The following CCSER1 variants were observed in gnomAD, a reference collection of about 807,000 sequenced individuals.
CCSER1 encodes the protein coiled-coil serine rich protein 1.
In CCSER1, 41 loss-of-function variants were observed where a neutral mutation model predicts 82.0. The observed-to-expected ratio is 0.50, with a 90% CI of 0.39 to 0.65. The LOEUF (loss-of-function observed/expected upper bound fraction) is 0.65. Ranked by LOEUF, CCSER1 falls within the 30% of genes least tolerant of loss-of-function variation. CCSER1 has a pLI of 0.00. For synonymous variants in CCSER1, 414 were observed against 383.9 expected (o/e 1.08, Z -0.92); for missense variants, 1,119 against 1,064.2 (o/e 1.05, Z -0.72).
chr4:91,224,032 G>A (rs940699525), intron 10 of CCSER1, among the ~76,000 whole-genome samples: 4 of 149,286 alleles, frequency 2.7e-5, no homozygotes, highest in Non-Finnish European at 5.9e-5. Flanking sequence ...TTAAATTCAG[G>A]CACTTCAGAA....
chr4:90,324,021 A>G (rs1737662464), intron 3 of CCSER1, among the ~76,000 whole-genome samples: 1 of 152,194 alleles, frequency 6.6e-6, no homozygotes, highest in Non-Finnish European at 1.5e-5. Context: ...ATGGCTGCAT[A>G]GTATTCCATG....
At chr4:90,683,984 T>G (rs1734352596) in intron 6 of CCSER1, among the ~76,000 whole-genome samples, 1 of 152,170 alleles carries the variant, frequency 6.6e-6, no homozygotes, top group Non-Finnish European at 1.5e-5. Context: ...AAAAGATGCC[T>G]TCCCATGGCT....
chr4:90,668,434 G>C (rs965983680), intron 6 of CCSER1, among the ~76,000 whole-genome samples: 3 of 152,130 alleles, frequency 2.0e-5, no homozygotes, highest in Non-Finnish European at 2.9e-5. Context: ...TTGCCATTTA[G>C]TTCAAATTAC....
chr4:90,967,396 C>A (rs1734673684), intron 9 of CCSER1, among the ~76,000 whole-genome samples: 1 of 151,842 alleles, frequency 6.6e-6, no homozygotes. Flanking sequence ...TTGCAGTGAG[C>A]TGAGATCACA....
chr4:90,305,887 T>C (rs1331686566), intron 1 of CCSER1, among the ~76,000 whole-genome samples: 2 of 152,236 alleles, frequency 1.3e-5, no homozygotes, highest in Non-Finnish European at 2.9e-5. Context: ...CCTATGCTTA[T>C]TGCATCATTA....
In CCSER1 at chr4:91,077,956, G is replaced by A. The variant is rs189203401; in HGVS notation, c.2173-7994G>A. Among the ~76,000 whole-genome samples the A allele has an allele frequency of 6.9e-3, 1,052 of 152,322 alleles. 7 individuals carry two copies. The highest frequency in any genetic ancestry group is 0.024 in the African/African-American group (985 of 41,570). On this transcript the variant is annotated intron_variant, in intron 9 of 10. Transcript: ENST00000509176. ...AAAGCAGCCAGGGAAGCTCGAACTG[G>A]GTGGAGCCCACCACAGCTCAAGGAG...
intron 4 of CCSER1, among the ~76,000 whole-genome samples, chr4:90,429,556 G>GTTTGTGATA (rs1553909444): frequency 6.6e-6 from 1 of 151,778 alleles, no homozygotes; most frequent in Non-Finnish European, 1.5e-5. Context: ...TAGGAAAAGA[G>GTTTGTGATA]TTTGTGATAG....
chr4:91,294,573 T>C (rs993786940), intron 10 of CCSER1, among the ~76,000 whole-genome samples: 1 of 151,826 alleles, frequency 6.6e-6, no homozygotes, highest in African/African-American at 2.4e-5. Flanking sequence ...TTGTTCCTTC[T>C]GGAGGTTTGA....
intron 9 of CCSER1, among the ~76,000 whole-genome samples, chr4:91,075,670 T>C (rs1292153176): frequency 6.6e-6 from 1 of 152,208 alleles, no homozygotes; most frequent in East Asian, 1.9e-4. Flanking sequence ...ATATGTGTTT[T>C]AGTGGAAATG....
chr4:90,420,335 T>C (rs1381762806), intron 4 of CCSER1, among the ~76,000 whole-genome samples: 1 of 152,014 alleles, frequency 6.6e-6, no homozygotes, highest in African/African-American at 2.4e-5. Flanking sequence ...GACAGAATAA[T>C]GTTCTAACTG....
intron 9 of CCSER1, among the ~76,000 whole-genome samples, chr4:90,941,341 A>AT (rs1409373045): frequency 6.6e-6 from 1 of 152,058 alleles, no homozygotes. Flanking sequence ...GTTTTAAATG[A>AT]TTTTTTAATG....
chr4:90,193,714 C>G (rs569809740), intron 1 of CCSER1, among the ~76,000 whole-genome samples: 219 of 151,888 alleles, frequency 1.4e-3, no homozygotes, highest in Middle Eastern at 0.014. Context: ...GCTTAGAACA[C>G]TTTTAACTGC....
At chr4:91,228,314 A>G (rs1022788377) in intron 10 of CCSER1, among the ~76,000 whole-genome samples, 2 of 152,108 alleles carry the variant, frequency 1.3e-5, no homozygotes, top group African/African-American at 4.8e-5. Flanking sequence ...AGAAGCAGAC[A>G]CCTGTTTCTT....
intron 10 of CCSER1, among the ~76,000 whole-genome samples, chr4:91,474,167 C>T (rs1175420431): frequency 1.3e-5 from 2 of 151,890 alleles, no homozygotes; most frequent in Non-Finnish European, 2.9e-5. Flanking sequence ...AGAAGTTAAA[C>T]ACTGGGTGGG....
At chr4:90,917,229 G>A (rs549281815) in intron 8 of CCSER1, among the ~76,000 whole-genome samples, 8 of 152,130 alleles carry the variant, frequency 5.3e-5, no homozygotes, top group South Asian at 4.1e-4. Flanking sequence ...TGTTTATTGC[G>A]GCACTGTTCA....
chr4:91,443,032 A>C (rs941716856), intron 10 of CCSER1, among the ~76,000 whole-genome samples: 2 of 152,126 alleles, frequency 1.3e-5, no homozygotes, highest in African/African-American at 2.4e-5. Flanking sequence ...GTGGGACTGT[A>C]AACTATTTCA....
chr4:90,954,636 A>G (rs1371770077), intron 9 of CCSER1, among the ~76,000 whole-genome samples: 4 of 151,992 alleles, frequency 2.6e-5, no homozygotes, highest in African/African-American at 4.8e-5. Context: ...AGGATTGAAT[A>G]AAACATGTGC....
intron 10 of CCSER1, among the ~76,000 whole-genome samples, chr4:91,408,675 A>T (rs1188187083): frequency 6.6e-6 from 1 of 152,188 alleles, no homozygotes; most frequent in Admixed American, 6.5e-5. Context: ...AGTAATTTTC[A>T]TGACCTGTCT....
At chr4:90,601,746 A>G (rs1345502586) in intron 5 of CCSER1, among the ~76,000 whole-genome samples, 1 of 151,654 alleles carries the variant, frequency 6.6e-6, no homozygotes, top group Non-Finnish European at 1.5e-5. Flanking sequence ...CAAATTGTAT[A>G]TGCTGTATAT....
Sources: allele counts gnomAD v4.1 joint callset (sites outside exome capture counted in the v4.1 genomes callset), GRCh38; gene constraint gnomAD v4.1.1; transcripts MANE v1.5; gene names NCBI Gene and HGNC (gene_info 2026-07-23, HGNC 2026-07-21).